RBFOX1: variants seen among roughly 807,000 people sequenced by gnomAD.
The protein encoded by RBFOX1 is RNA binding protein fox-1 homolog 1.
A neutral mutation model predicts 57.7 loss-of-function variants in RBFOX1; 8 were observed. The observed-to-expected ratio is 0.14, with a 90% CI of 0.08 to 0.25. The LOEUF (loss-of-function observed/expected upper bound fraction) is 0.25. RBFOX1 is among the 10% of genes least tolerant of loss of function. RBFOX1 has a pLI of 1.00. For synonymous variants in RBFOX1, 326 were observed against 222.4 expected (o/e 1.47, Z -4.15); for missense variants, 611 against 548.5 (o/e 1.11, Z -1.14).
intron 4 of RBFOX1, among the ~76,000 whole-genome samples, chr16:7,250,650 A>G (rs746802190): frequency 6.6e-6 from 1 of 152,204 alleles, no homozygotes; most frequent in African/African-American, 2.4e-5. Flanking sequence ...AGAGGAGTGC[A>G]TTTTACCATT....
chr16:6,987,456 G>GGC (rs2090535703), intron 3 of RBFOX1, among the ~76,000 whole-genome samples: 1 of 135,418 alleles, frequency 7.4e-6, no homozygotes, highest in Admixed American at 7.7e-5. Context: ...AAACTTTTCA[G>GGC]ACACACACAC....
At chr16:6,866,541 AT>A (rs56678526) in intron 3 of RBFOX1, among the ~76,000 whole-genome samples, 49 of 78,876 alleles carry the variant, frequency 6.2e-4, no homozygotes, top group South Asian at 1.2e-3. Context: ...CTTTCCTTCT[AT>A]TTTTTTTTTT....
intron 3 of RBFOX1, among the ~76,000 whole-genome samples, chr16:7,005,838 G>C (rs192655470): frequency 1.3e-5 from 2 of 152,118 alleles, no homozygotes; most frequent in Non-Finnish European, 2.9e-5. Context: ...CTTCTTCACC[G>C]ACTACAGCTT....
chr16:7,511,584 A>G (rs1394575354), intron 4 of RBFOX1, among the ~76,000 whole-genome samples: 1 of 152,130 alleles, frequency 6.6e-6, no homozygotes, highest in Non-Finnish European at 1.5e-5. Flanking sequence ...TAGCCAGGCT[A>G]TTTCATGCTT....
At position 5,615,453 on chromosome 16, in the gene RBFOX1, T is replaced by C. The variant is rs553570149; in HGVS notation, c.318+16492T>C. ...CAAGTCTACTTGCTCTGAAGACAGC[T>C]ACGTTTATCTGAACAGGCACCTTAT... On this transcript the variant is annotated intron_variant, in intron 3 of 19. Coordinates refer to the RBFOX1 transcript ENST00000641259. Among the ~76,000 whole-genome samples the C allele has an allele frequency of 2.0e-4, 31 of 152,326 alleles. No homozygotes were observed. In the South Asian group the frequency reaches 6.2e-3, roughly 31 times the overall value.
chr16:5,535,392 T>G (rs1471549773), intron 2 of RBFOX1, among the ~76,000 whole-genome samples: 2 of 152,180 alleles, frequency 1.3e-5, no homozygotes, highest in African/African-American at 2.4e-5. Flanking sequence ...ACACAAGTTA[T>G]CAGATTCTAA....
At chr16:6,541,468 G>A (rs1202925815) in intron 2 of RBFOX1, among the ~76,000 whole-genome samples, 1 of 152,206 alleles carries the variant, frequency 6.6e-6, no homozygotes, top group South Asian at 2.1e-4. Flanking sequence ...GAATAGGTAA[G>A]TCAGTGATCT....
At chr16:5,712,778 G>A (rs1021847689) in intron 3 of RBFOX1, among the ~76,000 whole-genome samples, 1 of 152,154 alleles carries the variant, frequency 6.6e-6, no homozygotes, top group African/African-American at 2.4e-5. Flanking sequence ...GAAATTTCCT[G>A]GCTCCCTCTG....
intron 1 of RBFOX1, among the ~76,000 whole-genome samples, chr16:5,395,354 T>C (rs955240937): frequency 7.9e-5 from 12 of 152,236 alleles, no homozygotes; most frequent in Admixed American, 7.9e-4. Context: ...GATTTGTTTT[T>C]GCCTCTGTTG....
At chr16:6,901,370 G>T (rs112096322) in intron 3 of RBFOX1, among the ~76,000 whole-genome samples, 3 of 152,156 alleles carry the variant, frequency 2.0e-5, no homozygotes, top group Admixed American at 6.5e-5. Flanking sequence ...AAGGCCAGGG[G>T]TGCAAAATCA....
At chr16:6,682,510 G>C (rs1040820645) in intron 3 of RBFOX1, among the ~76,000 whole-genome samples, 16 of 152,146 alleles carry the variant, frequency 1.1e-4, no homozygotes, top group African/African-American at 3.4e-4. Flanking sequence ...ATGTAGAAAA[G>C]GGTTTCTCAA....
rs533512857 is a variant in RBFOX1 at position 6,164,719 on chromosome 16, C to T, written c.-127+144727C>T. 2.0e-5 allele frequency among the ~76,000 whole-genome samples: 3 copies of T among 152,074 alleles called. No individual in the cohort carries two copies. The East Asian group carries it at 5.8e-4, about 29-fold the overall frequency. On this transcript the variant is annotated intron_variant, in intron 1 of 15. Coordinates refer to ENST00000550418, the MANE Select transcript of RBFOX1 (RefSeq NM_018723.4). ...TCTCGAATTTCTGACCTCTGGTGAT[C>T]CACCCCCCTTGGCCTTCCAAAGTGC...
intron 3 of RBFOX1, among the ~76,000 whole-genome samples, chr16:6,868,788 G>C (rs2060376937): frequency 6.6e-6 from 1 of 152,062 alleles, no homozygotes; most frequent in East Asian, 1.9e-4. Context: ...CTTAAAGATA[G>C]GTAATAAGGT....
chr16:6,551,602 G>A (rs747931725), intron 2 of RBFOX1, among the ~76,000 whole-genome samples: 6 of 152,162 alleles, frequency 3.9e-5, no homozygotes, highest in Non-Finnish European at 8.8e-5. Flanking sequence ...TGAAGGGGAG[G>A]TGCTTGGTGT....
chr16:5,909,533 A>G (rs1440828792), intron 4 of RBFOX1, among the ~76,000 whole-genome samples: 1 of 152,248 alleles, frequency 6.6e-6, no homozygotes, highest in African/African-American at 2.4e-5. Flanking sequence ...TGACAGGTGC[A>G]GGAGGCACGG....
intron 4 of RBFOX1, among the ~76,000 whole-genome samples, chr16:7,459,512 C>G (rs1215003034): frequency 6.6e-6 from 1 of 152,132 alleles, no homozygotes; most frequent in Admixed American, 6.5e-5. Flanking sequence ...TTCCTGTTGC[C>G]AGATTAAAGC....
At chr16:7,498,961 T>C (rs1006995721) in intron 4 of RBFOX1, among the ~76,000 whole-genome samples, 2 of 152,188 alleles carry the variant, frequency 1.3e-5, no homozygotes, top group African/African-American at 4.8e-5. Flanking sequence ...TTTACCTAAT[T>C]GTTGCATTTC....
intron 2 of RBFOX1, among the ~76,000 whole-genome samples, chr16:6,496,135 A>C (rs558447673): frequency 2.4e-4 from 37 of 151,856 alleles, no homozygotes; most frequent in African/African-American, 9.0e-4. Context: ...GGTCAGGGGA[A>C]TTTGGAAAGG....
At chr16:7,462,792 T>G (rs922266867) in intron 4 of RBFOX1, among the ~76,000 whole-genome samples, 1 of 152,204 alleles carries the variant, frequency 6.6e-6, no homozygotes, top group Admixed American at 6.5e-5. Flanking sequence ...TTCCTTCTCC[T>G]GCTGTCCAGC....
Sources: gnomAD v4.1 joint callset for allele counts (sites outside exome capture counted in the v4.1 genomes callset) on GRCh38, gnomAD v4.1.1 for gene constraint, MANE v1.5 for transcripts, NCBI Gene and HGNC (gene_info 2026-07-23, HGNC 2026-07-21) for gene names.